The following ERBB4 variants were observed in gnomAD, a reference collection of about 807,000 sequenced individuals.
ERBB4 encodes the protein receptor tyrosine-protein kinase erbB-4.
A neutral mutation model predicts 158.0 loss-of-function variants in ERBB4; 42 were observed. The observed-to-expected ratio is 0.27, with a 90% CI of 0.21 to 0.34. ERBB4 has a LOEUF of 0.34. Ranked by LOEUF, ERBB4 falls within the 10% of genes least tolerant of loss-of-function variation. ERBB4 has a pLI of 1.00. For synonymous variants in ERBB4, 583 were observed against 558.7 expected, an observed-to-expected ratio of 1.04 and a Z score of -0.61; for missense variants, 1,333 against 1,624.1, an observed-to-expected ratio of 0.82 and a Z score of 3.08.
At chr2:211,783,762 C>T (rs756904411) in intron 4 of ERBB4, among the ~76,000 whole-genome samples, 9 of 152,102 alleles carry the variant, frequency 5.9e-5, no homozygotes, top group South Asian at 4.1e-4. Flanking sequence ...CTGTTAGATT[C>T]GGTTTGCCAG....
chr2:211,631,764 T>C (rs1360580469), intron 16 of ERBB4, among the ~76,000 whole-genome samples: 1 of 152,192 alleles, frequency 6.6e-6, no homozygotes, highest in East Asian at 1.9e-4. Context: ...ACCTAAAAAA[T>C]ATTTGACCAG....
rs151164128 is a variant in ERBB4 at position 211,920,359 on chromosome 2, A to T, written c.421+27071T>A. 3.3e-5 allele frequency among the ~76,000 whole-genome samples: 5 copies of T among 152,122 alleles called. No individual in the cohort carries two copies. The East Asian group carries it at 9.7e-4, about 29-fold the overall frequency. On this transcript the variant is annotated intron_variant, in intron 3 of 27. Coordinates refer to ENST00000342788, the MANE Select transcript of ERBB4 (RefSeq NM_005235.3). The stretch of plus-strand genomic sequence containing the variant: ...AGTTTTATTTTCATTACTAAAATTG[A>T]ACCTATGTATCATCTTTCTTCCTAT...
chr2:212,092,036 G>A (rs4673649), intron 2 of ERBB4, among the ~76,000 whole-genome samples: 105,990 of 151,938 alleles, frequency 0.7, 41,130 homozygotes, highest in East Asian at 1. Context: ...ACTTCATTTA[G>A]GGAACCTCTG....
chr2:212,125,806 A>C (rs1162590902), intron 1 of ERBB4, among the ~76,000 whole-genome samples: 1 of 152,072 alleles, frequency 6.6e-6, no homozygotes, highest in Non-Finnish European at 1.5e-5. Context: ...GATTTTCTTT[A>C]TCCAGTCTAT....
At chr2:211,626,761 A>G (rs913685398) in intron 17 of ERBB4, among the ~76,000 whole-genome samples, 13 of 151,760 alleles carry the variant, frequency 8.6e-5, no homozygotes, top group Admixed American at 6.6e-4. Context: ...TGTCTCTACT[A>G]AAAATACAAA....
intron 2 of ERBB4, among the ~76,000 whole-genome samples, chr2:212,091,503 T>C (rs2078775354): frequency 6.6e-6 from 1 of 152,114 alleles, no homozygotes; most frequent in South Asian, 2.1e-4. Flanking sequence ...CTTGCAGTAT[T>C]GTAACTCCCT....
At chr2:211,720,679 T>C (rs976376583) in intron 7 of ERBB4, among the ~76,000 whole-genome samples, 4 of 152,240 alleles carry the variant, frequency 2.6e-5, no homozygotes, top group African/African-American at 9.6e-5. Context: ...ATCTTTATCA[T>C]TAGCTTTATT....
At chr2:212,085,017 T>C (rs542555023) in intron 2 of ERBB4, among the ~76,000 whole-genome samples, 3 of 152,060 alleles carry the variant, frequency 2.0e-5, no homozygotes, top group Non-Finnish European at 4.4e-5. Context: ...TGCAGGTCAG[T>C]AGATTGTAAT....
chr2:211,808,610 G>A (rs2076674851), intron 3 of ERBB4, among the ~76,000 whole-genome samples: 2 of 152,174 alleles, frequency 1.3e-5, no homozygotes, highest in Non-Finnish European at 2.9e-5. Flanking sequence ...TGGCAATGCA[G>A]GCTCTTTTTT....
At chr2:212,224,340 G>T (rs1283221127) in intron 1 of ERBB4, among the ~76,000 whole-genome samples, 1 of 151,838 alleles carries the variant, frequency 6.6e-6, no homozygotes, top group Non-Finnish European at 1.5e-5. Context: ...CTCAAATAAA[G>T]GTATTTTCAT....
At chr2:212,503,348 GC>G (rs145576246) in intron 1 of ERBB4, among the ~76,000 whole-genome samples, 2,401 of 152,148 alleles carry the variant, frequency 0.016, 61 homozygotes, top group African/African-American at 0.054. Context: ...ATATTTCCCT[GC>G]CAGTCTAAAT....
At chr2:212,067,033 C>T (rs544670508) in intron 2 of ERBB4, among the ~76,000 whole-genome samples, 7 of 151,992 alleles carry the variant, frequency 4.6e-5, no homozygotes, top group Admixed American at 1.3e-4. Flanking sequence ...ATTACTGGTT[C>T]TTTCATTGTT....
intron 1 of ERBB4, among the ~76,000 whole-genome samples, chr2:212,496,017 C>T (rs1282458995): frequency 6.6e-6 from 1 of 151,944 alleles, no homozygotes; most frequent in Non-Finnish European, 1.5e-5. Flanking sequence ...GAATTTTTAT[C>T]AAATTTTCAA....
rs1411303236 is a variant in ERBB4, at chr2:212,197,093, G to T, written c.83-72190C>A. On this transcript the variant is annotated intron_variant, in intron 1 of 27. Transcript: ENST00000342788. ...CTTTATACACCCCTAATTTTAGTCAGCTGGGGGAAGAGACAAATTTGAGAA... is the reference window on the plus strand; with the variant it reads ...CTTTATACACCCCTAATTTTAGTCATCTGGGGGAAGAGACAAATTTGAGAA... Among the ~76,000 whole-genome samples, 5 of 152,058 alleles carry T rather than the reference G, an allele frequency of 3.3e-5. No individual in the cohort carries two copies. The East Asian group carries it at 9.6e-4, about 29-fold the overall frequency.
At chr2:212,495,038 T>C (rs1352015194) in intron 1 of ERBB4, among the ~76,000 whole-genome samples, 2 of 152,140 alleles carry the variant, frequency 1.3e-5, no homozygotes, top group Admixed American at 6.6e-5. Context: ...CATTGAAAAT[T>C]AAGAATGGGA....
At position 212,321,783 on chromosome 2, in the gene ERBB4, A is replaced by AG. The variant is rs1433331854; in HGVS notation, c.83-196881dup. 8.6e-5 allele frequency among the ~76,000 whole-genome samples: 13 copies of AG among 150,690 alleles called. No homozygotes were observed. In the East Asian group the frequency reaches 2.3e-3, roughly 27 times the overall value. The stretch of plus-strand genomic sequence containing the variant: ...ATTTGAGAATCTTTGAAGTACAATT[A>AG]GGCATTAAAAACACCCCTGGAATTA... On this transcript the variant is annotated intron_variant, in intron 1 of 27. Coordinates refer to ENST00000342788, the MANE Select transcript of ERBB4 (RefSeq NM_005235.3).
intron 20 of ERBB4, among the ~76,000 whole-genome samples, chr2:211,555,687 G>A (rs1465499738): frequency 6.6e-6 from 1 of 152,172 alleles, no homozygotes; most frequent in Non-Finnish European, 1.5e-5. Context: ...TTAAAGAAGA[G>A]AAATTCCAAC....
At chr2:211,392,596 A>ACACC (rs2062824129) in intron 25 of ERBB4, among the ~76,000 whole-genome samples, 2 of 142,456 alleles carry the variant, frequency 1.4e-5, no homozygotes, top group African/African-American at 5.1e-5. Context: ...ACACACACAC[A>ACACC]CACACCCCAA....
intron 2 of ERBB4, among the ~76,000 whole-genome samples, chr2:212,085,931 C>T (rs529749989): frequency 1.3e-4 from 20 of 151,892 alleles, no homozygotes; most frequent in African/African-American, 4.1e-4. Context: ...AGGGATATAA[C>T]ACCATTTTTT....
Sources: gnomAD v4.1 joint callset for allele counts (sites outside exome capture counted in the v4.1 genomes callset) on GRCh38, gnomAD v4.1.1 for gene constraint, MANE v1.5 for transcripts, NCBI Gene and HGNC (gene_info 2026-07-23, HGNC 2026-07-21) for gene names.